Variants in IKZF1 observed in about 807,000 individuals in gnomAD.
IKZF1 encodes the protein DNA-binding protein Ikaros.
IKZF1 carries 10 observed loss-of-function variants against 51.7 expected under a neutral mutation model. That is an observed-to-expected ratio of 0.19 (90% CI 0.12 to 0.33). The LOEUF is 0.33. IKZF1 is among the 10% of genes least tolerant of loss of function. The probability of loss-of-function intolerance (pLI) is 1.00; values close to 1 mark genes in which losing one functional copy is unlikely to be tolerated. For synonymous variants in IKZF1, 280 were observed against 282.3 expected (o/e 0.99, Z 0.08); for missense variants, 484 against 707.5 (o/e 0.68, Z 3.58).
chr7:50,375,152 T>A (rs143413463), intron 3 of IKZF1, among the ~76,000 whole-genome samples: 1 of 152,348 alleles, frequency 6.6e-6, no homozygotes, highest in African/African-American at 2.4e-5. Flanking sequence ...CTGAGCACAG[T>A]GGCTCACAAC....
chr7:50,389,332 ATTC>A (rs1814348746), intron 6 of IKZF1, among the ~76,000 whole-genome samples: 1 of 152,208 alleles, frequency 6.6e-6, no homozygotes, highest in Non-Finnish European at 1.5e-5. Context: ...CATCAAGCTA[ATTC>A]TTCTCTATTG....
intron 3 of IKZF1, among the ~76,000 whole-genome samples, chr7:50,349,326 T>C (rs1283456372): frequency 1.3e-5 from 2 of 152,276 alleles, no homozygotes; most frequent in South Asian, 4.1e-4. Flanking sequence ...GAGTGTGTAA[T>C]GAGGAGTAAG....
chr7:50,386,954 T>G (rs75872245), intron 5 of IKZF1, among the ~76,000 whole-genome samples: 9,420 of 152,248 alleles, frequency 0.062, 481 homozygotes, highest in South Asian at 0.093. Flanking sequence ...AGGCCTACTC[T>G]GGAGGCAAAT....
chr7:50,331,692 C>G (rs1481956414), intron 3 of IKZF1, among the ~76,000 whole-genome samples: 3 of 152,150 alleles, frequency 2.0e-5, no homozygotes, highest in Non-Finnish European at 1.5e-5. Context: ...CCAGAATAAA[C>G]AAATAATGGT....
intron 1 of IKZF1, among the ~76,000 whole-genome samples, chr7:50,306,943 T>C (rs1172187330): frequency 6.6e-6 from 1 of 152,254 alleles, no homozygotes; most frequent in Admixed American, 6.5e-5. Flanking sequence ...TATGCATTTA[T>C]TAACAGATAC....
chr7:50,358,221 C>G (rs1280669242), intron 3 of IKZF1, among the ~76,000 whole-genome samples: 1 of 152,224 alleles, frequency 6.6e-6, no homozygotes, highest in East Asian at 1.9e-4. Flanking sequence ...AGGAACCCCC[C>G]TTACTTCGAA....
In IKZF1 at chr7:50,359,554, C is replaced by T. The variant is rs183246171; in HGVS notation, c.161-16979C>T. 2.4e-3 allele frequency among the ~76,000 whole-genome samples: 371 copies of T among 152,330 alleles called. 2 individuals are homozygous for T. The highest frequency in any genetic ancestry group is 9.3e-4 in the Non-Finnish European group (63 of 68,032). ...TGGAAAAGTCACAGTAAATAATGGA[C>T]TCTCTACCTGTGAGTCGATTTTACT... On this transcript the variant is annotated intron_variant, in intron 3 of 7. Coordinates refer to ENST00000331340, the MANE Select transcript of IKZF1 (RefSeq NM_006060.6).
intron 6 of IKZF1, among the ~76,000 whole-genome samples, chr7:50,391,252 A>G (rs1814963573): frequency 6.6e-6 from 1 of 152,190 alleles, no homozygotes; most frequent in Admixed American, 6.5e-5. Context: ...CACATTGCCC[A>G]GATCTGCTGT....
intron 2 of IKZF1, 177 bp from the exon 3 acceptor site, chr7:50,327,461 G>T: frequency 1.7e-6 from 1 of 595,786 alleles, no homozygotes; most frequent in Non-Finnish European, 2.8e-6. Context: ...CATTTGTATT[G>T]TGTGGGGAGA....
chr7:50,339,895 T>G (rs1231160110), intron 3 of IKZF1, among the ~76,000 whole-genome samples: 2 of 152,236 alleles, frequency 1.3e-5, no homozygotes, highest in African/African-American at 4.8e-5. Context: ...TACATTAATA[T>G]GTTACTAAAT....
At chr7:50,350,273 C>T (rs1801507650) in intron 3 of IKZF1, among the ~76,000 whole-genome samples, 1 of 152,258 alleles carries the variant, frequency 6.6e-6, no homozygotes, top group Admixed American at 6.5e-5. Flanking sequence ...CACATTCCCT[C>T]TTTGAGGTGG....
intron 3 of IKZF1, among the ~76,000 whole-genome samples, chr7:50,361,202 C>A (rs1264208673): frequency 6.6e-6 from 1 of 152,134 alleles, no homozygotes; most frequent in Non-Finnish European, 1.5e-5. Flanking sequence ...AAGCATGAAC[C>A]AAGCTTTCTT....
chr7:50,318,995 A>G (rs993654983), intron 1 of IKZF1, 53 bp from the exon 2 acceptor site: 25 of 1,120,680 alleles, frequency 2.2e-5, no homozygotes, highest in Middle Eastern at 2.0e-4. Flanking sequence ...TCTCTTTCTC[A>G]TATCTTATTA....
intron 3 of IKZF1, among the ~76,000 whole-genome samples, chr7:50,363,444 C>T (rs1805859501): frequency 6.6e-6 from 1 of 152,076 alleles, no homozygotes; most frequent in African/African-American, 2.4e-5. Flanking sequence ...ATCATCAGGA[C>T]TGACTGCAGG....
intron 3 of IKZF1, among the ~76,000 whole-genome samples, chr7:50,362,086 C>T (rs758424897): frequency 5.3e-5 from 8 of 152,190 alleles, no homozygotes; most frequent in Non-Finnish European, 7.3e-5. Context: ...AGTTGTACTA[C>T]ATGAAGAGAG....
intron 1 of IKZF1, among the ~76,000 whole-genome samples, chr7:50,315,080 C>G (rs1461143482): frequency 6.6e-6 from 1 of 152,208 alleles, no homozygotes; most frequent in Non-Finnish European, 1.5e-5. Flanking sequence ...TTGCCCGGCT[C>G]CTAGTCCGGC....
Position 50,400,348 on chromosome 7 carries a change from G to C in IKZF1, c.1281G>C (p.Ser427=). Residue 427 remains serine (S), a synonymous_variant, in exon 8 of 8, where the codon TCG becomes TCC. Coordinates refer to ENST00000331340, the MANE Select transcript of IKZF1 (RefSeq NM_006060.6). This position sits in a 1 kb window ranked among gnomAD's most constrained non-coding sequence, Gnocchi z 5.4. ...HIAPHARNGL[S]LKEEHRAYDL... ...CCCCGCACGCGCGCAACGGGCTGTC[G>C]CTCAAGGAGGAGCACCGCGCCTACG... The C allele has an allele frequency of 6.2e-7, 1 of 1,612,894 alleles. No individual in the cohort carries two copies. The highest frequency in any genetic ancestry group is 8.5e-7 in the Non-Finnish European group (1 of 1,179,732).
intron 3 of IKZF1, among the ~76,000 whole-genome samples, chr7:50,359,449 C>T (rs117421106): frequency 0.022 from 3,379 of 152,248 alleles, 71 homozygotes; most frequent in East Asian, 0.068. Context: ...GGGGAATGTG[C>T]GCAGAGTGAG....
intron 3 of IKZF1, among the ~76,000 whole-genome samples, chr7:50,361,566 C>G (rs1160224503): frequency 1.3e-5 from 2 of 152,100 alleles, no homozygotes; most frequent in Non-Finnish European, 2.9e-5. Flanking sequence ...TTGCACATGG[C>G]ACCAAAACAA....
Sources: allele counts gnomAD v4.1 joint callset (sites outside exome capture counted in the v4.1 genomes callset), GRCh38; gene constraint gnomAD v4.1.1; non-coding constraint Gnocchi (gnomAD v3.1); transcripts MANE v1.5; gene names NCBI Gene and HGNC (gene_info 2026-07-23, HGNC 2026-07-21).